TOR2A: variants seen among roughly 807,000 people sequenced by gnomAD.
TOR2A encodes torsin family 2 member A, also known as prosalusin.
Under a neutral mutation model 28.6 loss-of-function variants are expected in TOR2A, and 24 were observed. The observed-to-expected ratio is 0.84, with a 90% CI of 0.61 to 1.18. The LOEUF (loss-of-function observed/expected upper bound fraction) is 1.18. TOR2A is among the 50% of genes most tolerant of loss of function. The pLI is 0.00. For synonymous variants in TOR2A, 203 were observed against 203.1 expected (o/e 1.00, Z 0.00); for missense variants, 426 against 448.1 (o/e 0.95, Z 0.45).
At chr9:127,732,337 C>T in intron 4 of TOR2A, 59 bp from the exon 5 acceptor site, 6 of 1,517,238 alleles carry the variant, frequency 4.0e-6, no homozygotes, top group Non-Finnish European at 4.4e-6. Flanking sequence ...AGAAGCCGGC[C>T]CCAAACCCCC....
chr9:127,735,192 C>A lies in TOR2A; in HGVS notation c.79G>T (p.Ala27Ser), dbSNP rs1011797938. 6.8e-7 allele frequency: 1 copy of A among 1,481,068 alleles called. No homozygotes were observed. The highest frequency in any genetic ancestry group is 8.9e-7 in the Non-Finnish European group (1 of 1,124,214). 91.7% of individuals were successfully genotyped at this position (1,481,068 alleles called of 1,614,324 possible). ...CAGCGCAGGGAAGCCAGGTCCCAGG[C>A]GGCGGCCGCGGCCGAGACCAGCCCG... ...LLGLVSAAAA[A>S]WDLASLRCTL... The change falls in exon 1 of 5, where the codon GCC (alanine) becomes TCC (serine). Residue 27 changes from alanine (A) to serine (S), a missense_variant. Physicochemically the swap from Ala to Ser is moderately conservative, Grantham distance 99. Coordinates refer to ENST00000373284, the MANE Select transcript of TOR2A (RefSeq NM_001085347.3).
chr9:127,732,788 TG>T (rs762434091), intron 3 of TOR2A, 97 bp from the exon 4 acceptor site: 14 of 1,495,428 alleles, frequency 9.4e-6, no homozygotes, highest in Non-Finnish European at 1.3e-5. Context: ...CATAGGAACA[TG>T]GCTCAGTGCG....
rs1054153306 is a variant in TOR2A at position 127,731,831 on chromosome 9, C to T, written c.*203G>A. 6.8e-5 allele frequency: 76 copies of T among 1,112,880 alleles called. No homozygotes were observed. Among genetic ancestry groups the T allele is most frequent in the Admixed American group, 2.1e-4 (7 of 32,912 alleles). The allele number at this position is 1,112,880 out of a possible 1,614,324, so 68.9% of individuals were successfully genotyped here. A position where few individuals can be genotyped will look rare whatever the true frequency, so the allele number is the denominator to read the frequency against. On this transcript the variant is annotated 3_prime_UTR_variant, in exon 5 of 5. Coordinates refer to ENST00000373284, the MANE Select transcript of TOR2A (RefSeq NM_001085347.3). Reference sequence around the variant, plus strand: ...AAGGCTCAGTGAGGTTCTGGGGTGACCAGGGGTTTCCCTGGGGAAGGTGGC... The same window carrying T: ...AAGGCTCAGTGAGGTTCTGGGGTGATCAGGGGTTTCCCTGGGGAAGGTGGC...
chr9:127,733,502 A>C lies in TOR2A; in HGVS notation c.476T>G (p.Leu159Arg). 1 of 1,613,942 alleles carries C rather than the reference A, an allele frequency of 6.2e-7. No homozygotes were observed. The highest frequency in any genetic ancestry group is 8.5e-7 in the Non-Finnish European group (1 of 1,180,022). ...GGGCATCTTGTCCATCTCATCGAAGAGGAAGAGGGAGCGGCCACAGGCAGT... is the reference window on the plus strand; with the variant it reads ...GGGCATCTTGTCCATCTCATCGAAGCGGAAGAGGGAGCGGCCACAGGCAGT... Reference protein sequence around the residue: ...NLTACGRSLFLFDEMDKMPPG... With the variant: ...NLTACGRSLFRFDEMDKMPPG... The change falls in exon 3 of 5, where the codon CTC becomes CGC. Residue 159 changes from leucine (L) to arginine (R), a missense_variant. Leu to Arg is a moderately radical substitution (Grantham distance 102). Coordinates refer to ENST00000373284, the MANE Select transcript of TOR2A (RefSeq NM_001085347.3).
rs80121538 is a variant in TOR2A at position 127,731,681 on chromosome 9, G to A, written c.*353C>T. 2,809 of 784,334 alleles carry A rather than the reference G, an allele frequency of 3.6e-3. 62 individuals carry two copies. The African/African-American group carries it at 0.046, about 13-fold the overall frequency. The allele number at this position is 784,334 out of a possible 1,614,324, so 48.6% of individuals were successfully genotyped here. ...ACACAGGGTGTGGGGTGGAGGGGAGGAGGTATGGTGCCCGACCAAGGAGGC... is the reference window on the plus strand; with the variant it reads ...ACACAGGGTGTGGGGTGGAGGGGAGAAGGTATGGTGCCCGACCAAGGAGGC... On this transcript the variant is annotated 3_prime_UTR_variant, in exon 5 of 5. Transcript: ENST00000373284.
Position 127,733,402 on chromosome 9 carries a change from G to A in TOR2A, c.576C>T (p.Ala192=), listed in dbSNP as rs766517674. The change falls in exon 3 of 5, where the codon GCC becomes GCT. Residue 192 remains alanine, a synonymous_variant. Transcript: ENST00000373284. ...WVVYGTNYRK[A]IFIFISNTGG... The stretch of plus-strand genomic sequence containing the variant: ...GGCCCCACCTGATGAAGATGAAGAT[G>A]GCTTTGCGGTAATTGGTCCCGTATA... 3 of 1,613,834 alleles carry A rather than the reference G, an allele frequency of 1.9e-6. No individual in the cohort carries two copies. The highest frequency in any genetic ancestry group is 2.5e-6 in the Non-Finnish European group (3 of 1,180,024).
At chr9:127,732,510 GC>G in intron 4 of TOR2A, 53 bp downstream of exon 4, 1 of 1,525,294 alleles carries the variant, frequency 6.6e-7, no homozygotes, top group South Asian at 1.2e-5. Flanking sequence ...GGAGAGCCTG[GC>G]CCCTGGGTGT....
rs535042562 is a variant in TOR2A, at chr9:127,734,920, G to A, written c.151+200C>T. 141 of 743,230 alleles carry A rather than the reference G, an allele frequency of 1.9e-4. No homozygotes were observed. The African/African-American group carries it at 2.2e-3, about 12-fold the overall frequency. The allele number at this position is 743,230 out of a possible 1,614,324, so 46.0% of individuals were successfully genotyped here. A position where few individuals can be genotyped will look rare whatever the true frequency, so the allele number is the denominator to read the frequency against. ...TCCACCAAGGGTTCTGCTGGCTGAG[G>A]CCTCTCTCCAGGTTGGCAGGGCCTC... is the stretch of plus-strand genomic sequence containing the variant. On this transcript the variant is annotated intron_variant, in intron 1 of 4. Transcript: ENST00000373284.
chr9:127,731,629 G>A lies in TOR2A; in HGVS notation c.*405C>T. 1 of 1,087,152 alleles carries A rather than the reference G, an allele frequency of 9.2e-7. No individual in the cohort carries two copies. The highest frequency in any genetic ancestry group is 2.7e-5 in the East Asian group (1 of 36,806). The allele number at this position is 1,087,152 out of a possible 1,614,324, so 67.3% of individuals were successfully genotyped here. A position where few individuals can be genotyped will look rare whatever the true frequency, so the allele number is the denominator to read the frequency against. On this transcript the variant is annotated 3_prime_UTR_variant, in exon 5 of 5. Coordinates refer to ENST00000373284, the MANE Select transcript of TOR2A (RefSeq NM_001085347.3). ...TTGAGTCCCTCCATTTCTGGAAACT[G>A]AGAAGGCTCCACCTGGCTTGATATG...
At chr9:127,733,616 A>G (rs1844564567) in intron 2 of TOR2A, 56 bp from the exon 3 acceptor site, 3 of 1,473,584 alleles carry the variant, frequency 2.0e-6, no homozygotes, top group Admixed American at 2.3e-5. Context: ...CCAACACCAG[A>G]CCTCTTCCCA....
intron 3 of TOR2A, 64 bp from the exon 4 acceptor site, chr9:127,732,755 C>A: frequency 6.6e-7 from 1 of 1,521,836 alleles, no homozygotes. Context: ...GGATTGGACC[C>A]TCGCTTCCCC....
chr9:127,735,154 G>A lies in TOR2A; in HGVS notation c.117C>T (p.Ala39=), dbSNP rs944903165. 4.0e-6 allele frequency: 6 copies of A among 1,484,554 alleles called. No homozygotes were observed. The highest frequency in any genetic ancestry group is 5.3e-6 in the Non-Finnish European group (6 of 1,125,046). 92.0% of individuals were successfully genotyped at this position (1,484,554 alleles called of 1,614,324 possible). ...DLASLRCTLG[A]FCECDFRPDL... ...CGGGCCGGAAGTCGCATTCGCAAAA[G>A]GCGCCCAAGGTGCAGCGCAGGGAAG... Residue 39 remains alanine (A), a synonymous_variant, in exon 1 of 5, where the codon GCC becomes GCT. Coordinates refer to ENST00000373284, the MANE Select transcript of TOR2A (RefSeq NM_001085347.3).
chr9:127,732,591 A>T lies in TOR2A; in HGVS notation c.694T>A (p.Ser232Thr). Reference sequence around the variant, plus strand: ...TGCGGGTTGTCCAGCACCGCGCGGGAGATGACCGGCTCCAGCTCCTGCAGG... The same window carrying T: ...TGCGGGTTGTCCAGCACCGCGCGGGTGATGACCGGCTCCAGCTCCTGCAGG... ...ILLQELEPVI[S>T]RAVLDNPHHG... Residue 232 changes from serine (S) to threonine (T), a missense_variant, in exon 4 of 5, where the codon TCC (serine) becomes ACC (threonine). Physicochemically the swap from Ser to Thr is moderately conservative, Grantham distance 58. Transcript: ENST00000373284. 1 of 1,590,510 alleles carries T rather than the reference A, an allele frequency of 6.3e-7. No individual in the cohort carries two copies. The highest frequency in any genetic ancestry group is 8.5e-7 in the Non-Finnish European group (1 of 1,171,554).
At chr9:127,732,988 A>G in intron 3 of TOR2A, 2 of 1,383,398 alleles carry the variant, frequency 1.4e-6, no homozygotes, top group East Asian at 5.1e-5. Flanking sequence ...CCCGCTGTTC[A>G]GAAGCAGAGA....
At chr9:127,734,217 ACTCCC>A in intron 2 of TOR2A, 77 bp downstream of exon 2, 1 of 1,479,250 alleles carries the variant, frequency 6.8e-7, no homozygotes, top group Non-Finnish European at 9.0e-7. Flanking sequence ...GGAGCAGGTG[ACTCCC>A]CTGTCTGGGC....
In TOR2A at chr9:127,733,531, G is replaced by T. The variant is rs969135173; in HGVS notation, c.447C>A (p.Asn149Lys). The change falls in exon 3 of 5, where the codon AAC becomes AAA. Residue 149 changes from asparagine (N) to lysine (K), a missense_variant. By Grantham distance (94) the Asn-to-Lys change is moderately conservative. Coordinates refer to ENST00000373284, the MANE Select transcript of TOR2A (RefSeq NM_001085347.3). ...AGAGGGAGCGGCCACAGGCAGTGAG[G>T]TTCCCTTGGACCCAGCTCTTCAGAT... ...KKDLKSWVQG[N>K]LTACGRSLFL... 1.2e-6 allele frequency: 2 copies of T among 1,613,452 alleles called. No homozygotes were observed. Among genetic ancestry groups the T allele is most frequent in the Admixed American group, 1.7e-5 (1 of 60,014 alleles).
chr9:127,735,255 G>A lies in TOR2A; in HGVS notation c.16C>T (p.Arg6Cys). MAAATRGCRPWGSLLG... is the reference protein window; with the variant it reads MAAATCGCRPWGSLLG... ...AGCGAGCCCCAGGGCCGGCAGCCGC[G>A]CGTCGCAGCCGCCATCCGGGTGAGG... Residue 6 changes from arginine (R) to cysteine (C), a missense_variant, in exon 1 of 5, where the codon CGC (arginine) becomes TGC (cysteine). Arg to Cys is a radical substitution (Grantham distance 180). Coordinates refer to ENST00000373284, the MANE Select transcript of TOR2A (RefSeq NM_001085347.3). 2.8e-6 allele frequency: 4 copies of A among 1,409,614 alleles called. No homozygotes were observed. Among genetic ancestry groups the A allele is most frequent in the Admixed American group, 3.4e-5 (1 of 29,062 alleles). The allele number at this position is 1,409,614 out of a possible 1,614,324, so 87.3% of individuals were successfully genotyped here. A position where few individuals can be genotyped will look rare whatever the true frequency, so the allele number is the denominator to read the frequency against.
Position 127,735,124 on chromosome 9 carries a change from C to T in TOR2A, c.147G>A (p.Leu49=), listed in dbSNP as rs1844634271. Residue 49 remains leucine (L), a synonymous_variant, in exon 1 of 5, where the codon TTG becomes TTA. Coordinates refer to ENST00000373284, the MANE Select transcript of TOR2A (RefSeq NM_001085347.3). ...AFCECDFRPD[L]PGLECDLAQH... The stretch of plus-strand genomic sequence containing the variant: ...CCGGGCTCCCTGGCGCCTCACCCGG[C>T]AAGTCGGGCCGGAAGTCGCATTCGC... 3 of 1,475,630 alleles carry T rather than the reference C, an allele frequency of 2.0e-6. No individual in the cohort carries two copies. The highest frequency in any genetic ancestry group is 2.9e-5 in the African/African-American group (2 of 68,144). The allele number at this position is 1,475,630 out of a possible 1,614,324, so 91.4% of individuals were successfully genotyped here.
At chr9:127,733,687 A>G (rs1844566932) in intron 2 of TOR2A, 127 bp from the exon 3 acceptor site, 2 of 821,476 alleles carry the variant, frequency 2.4e-6, no homozygotes, top group Non-Finnish European at 3.7e-6. Context: ...CCAACCTCTT[A>G]GTGAGACTGA....
Sources: gnomAD v4.1 joint callset for allele counts on GRCh38, gnomAD v4.1.1 for gene constraint, MANE v1.5 for transcripts, NCBI Gene and HGNC (gene_info 2026-07-23, HGNC 2026-07-21) for gene names.